EPB41L4B: variants seen among roughly 807,000 people sequenced by gnomAD.
EPB41L4B encodes the protein band 4.1-like protein 4B.
EPB41L4B carries 30 observed loss-of-function variants against 112.5 expected under a neutral mutation model. The observed-to-expected ratio is 0.27, with a 90% CI of 0.20 to 0.36. The LOEUF (loss-of-function observed/expected upper bound fraction) is 0.36, where lower values mean the gene tolerates loss of function less well. Ranked by LOEUF, EPB41L4B falls within the 10% of genes least tolerant of loss-of-function variation. The pLI is 1.00. For synonymous variants in EPB41L4B, 408 were observed against 439.7 expected (o/e 0.93, Z 0.90); for missense variants, 1,024 against 1,133.3 (o/e 0.90, Z 1.38).
chr9:109,280,169 A>G (rs569034598), intron 1 of EPB41L4B, among the ~76,000 whole-genome samples: 160 of 152,320 alleles, frequency 1.1e-3, no homozygotes, highest in African/African-American at 3.7e-3. Flanking sequence ...CTTCTTACAA[A>G]AAGAATACTT....
At chr9:109,281,325 G>T (rs1282575448) in intron 1 of EPB41L4B, among the ~76,000 whole-genome samples, 2 of 152,160 alleles carry the variant, frequency 1.3e-5, no homozygotes, top group Non-Finnish European at 2.9e-5. Flanking sequence ...ATAAACACAT[G>T]AAAAGATGCT....
chr9:109,288,753 A>AAAAAAAAC (rs1491056660), intron 1 of EPB41L4B, among the ~76,000 whole-genome samples: 1 of 141,794 alleles, frequency 7.1e-6, no homozygotes, highest in Non-Finnish European at 1.5e-5. Flanking sequence ...AAAAAAAAAA[A>AAAAAAAAC]AGCTGGGTGT....
chr9:109,307,619 C>T (rs754928970), intron 1 of EPB41L4B, among the ~76,000 whole-genome samples: 16 of 152,224 alleles, frequency 1.1e-4, no homozygotes, highest in Admixed American at 2.0e-4. Context: ...CAGGCCCCAG[C>T]AGGCAAGAGC....
intron 2 of EPB41L4B, among the ~76,000 whole-genome samples, 155 bp downstream of exon 2, chr9:109,279,662 G>A (rs1835962118): frequency 6.6e-6 from 1 of 152,174 alleles, no homozygotes. Context: ...GTGACGCATG[G>A]CACTTGGGCA....
At chr9:109,215,956 C>T (rs1276557433) in intron 16 of EPB41L4B, among the ~76,000 whole-genome samples, 1 of 152,146 alleles carries the variant, frequency 6.6e-6, no homozygotes, top group Non-Finnish European at 1.5e-5. Context: ...AAGACCCTGT[C>T]ATAAAATAAA....
At chr9:109,241,294 G>A (rs1048378926) in intron 15 of EPB41L4B, 6 of 1,001,820 alleles carry the variant, frequency 6.0e-6, no homozygotes, top group East Asian at 1.1e-4. Flanking sequence ...CAACTTCTAC[G>A]ACAGGAATAT....
intron 15 of EPB41L4B, among the ~76,000 whole-genome samples, chr9:109,243,212 C>CAA (rs58092749): frequency 2.6e-3 from 137 of 52,206 alleles, no homozygotes; most frequent in African/African-American, 3.0e-3. Flanking sequence ...CCCACCCCCG[C>CAA]AAAAAAAAAA....
intron 16 of EPB41L4B, 83 bp downstream of exon 16, chr9:109,216,839 T>C: frequency 1.5e-6 from 2 of 1,365,910 alleles, no homozygotes; most frequent in African/African-American, 1.4e-5. Flanking sequence ...ACCGCAAGGG[T>C]CTGTCTTAAG....
At chr9:109,192,434 G>T in intron 21 of EPB41L4B, 79 bp from the exon 22 acceptor site, 2 of 1,077,902 alleles carry the variant, frequency 1.9e-6, no homozygotes, top group Non-Finnish European at 2.7e-6. Context: ...ACAGGCAGAG[G>T]TTCCCAGCCT....
intron 17 of EPB41L4B, among the ~76,000 whole-genome samples, chr9:109,210,354 A>G (rs1291247268): frequency 2.6e-5 from 4 of 152,194 alleles, no homozygotes; most frequent in Non-Finnish European, 5.9e-5. Flanking sequence ...GCATGAAGAG[A>G]TAGTTTTAAA....
intron 15 of EPB41L4B, among the ~76,000 whole-genome samples, chr9:109,222,153 C>T (rs774963959): frequency 5.6e-4 from 85 of 151,988 alleles, no homozygotes; most frequent in Non-Finnish European, 2.6e-4. Flanking sequence ...TTTCATAACA[C>T]GTCAAATAAA....
intron 11 of EPB41L4B, among the ~76,000 whole-genome samples, chr9:109,254,011 G>A (rs551270784): frequency 1.3e-5 from 2 of 152,290 alleles, no homozygotes; most frequent in East Asian, 3.9e-4. Flanking sequence ...TTCAACCAAC[G>A]TGACACCCGG....
At chr9:109,286,883 C>T (rs1376821630) in intron 1 of EPB41L4B, among the ~76,000 whole-genome samples, 1 of 152,212 alleles carries the variant, frequency 6.6e-6, no homozygotes, top group Non-Finnish European at 1.5e-5. Flanking sequence ...AATGCTCCAT[C>T]TCCTTCCAGA....
At chr9:109,281,569 G>A (rs895045745) in intron 1 of EPB41L4B, among the ~76,000 whole-genome samples, 2 of 152,168 alleles carry the variant, frequency 1.3e-5, no homozygotes, top group African/African-American at 4.8e-5. Flanking sequence ...AGGGTATGGT[G>A]ATGGGCACCT....
chr9:109,261,041 C>A (rs1342484843), intron 6 of EPB41L4B, among the ~76,000 whole-genome samples: 1 of 152,212 alleles, frequency 6.6e-6, no homozygotes, highest in Non-Finnish European at 1.5e-5. Context: ...TACTGCTGGG[C>A]TGTCAAGCCT....
rs915687178 is a variant in EPB41L4B, at chr9:109,321,043, G to A, written c.-597C>T. Reference sequence around the variant, plus strand: ...GCCGCCGCCGCCGCCGCTGCCGCCGGGACTGCAGCACGCCCTCCTCCCTCG... The same window carrying A: ...GCCGCCGCCGCCGCCGCTGCCGCCGAGACTGCAGCACGCCCTCCTCCCTCG... On this transcript the variant is annotated 5_prime_UTR_variant, in exon 1 of 26. Transcript: ENST00000374566. 1.1e-5 allele frequency: 2 copies of A among 187,748 alleles called. No individual in the cohort carries two copies. The highest frequency in any genetic ancestry group is 2.2e-5 in the Non-Finnish European group (2 of 92,976). 11.6% of individuals were successfully genotyped at this position (187,748 alleles called of 1,614,324 possible). A position where few individuals can be genotyped will look rare whatever the true frequency, so the allele number is the denominator to read the frequency against.
chr9:109,279,980 A>G (rs1835974440), intron 1 of EPB41L4B, 59 bp from the exon 2 acceptor site: 5 of 1,355,328 alleles, frequency 3.7e-6, no homozygotes, highest in Non-Finnish European at 2.0e-6. Flanking sequence ...TAAGAAAAAA[A>G]AGGTTAAAAA....
chr9:109,309,893 C>A (rs1037314084), intron 1 of EPB41L4B, among the ~76,000 whole-genome samples: 1 of 152,156 alleles, frequency 6.6e-6, no homozygotes. Context: ...AACAAAGAAG[C>A]TGACAATGCC....
rs780125188 is a variant in EPB41L4B at position 109,176,732 on chromosome 9, A to G, written c.2488-36T>C. The G allele has an allele frequency of 3.7e-6, 6 of 1,611,252 alleles. No homozygotes were observed. In the Admixed American group the frequency reaches 6.8e-5, roughly 18 times the overall value. ...AACAGGAAAGAGGAGATCAATCTCA[A>G]TTTGGGTTCCATTTTCACACTGTCA... On this transcript the variant is annotated intron_variant, in intron 24 of 25. Transcript: ENST00000374566.
Sources: gnomAD v4.1 joint callset for allele counts (sites outside exome capture counted in the v4.1 genomes callset) on GRCh38, gnomAD v4.1.1 for gene constraint, MANE v1.5 for transcripts, NCBI Gene and HGNC (gene_info 2026-07-23, HGNC 2026-07-21) for gene names.